Variants in GNA12 observed in about 807,000 individuals in gnomAD.
GNA12 encodes the protein guanine nucleotide-binding protein subunit alpha-12.
Under a neutral mutation model 26.0 loss-of-function variants are expected in GNA12, and 9 were observed. That is an observed-to-expected ratio of 0.35 (90% confidence interval 0.21 to 0.60). The LOEUF (loss-of-function observed/expected upper bound fraction) is 0.60. Ranked by LOEUF, GNA12 falls within the 20% of genes least tolerant of loss-of-function variation. GNA12 has a pLI of 0.78. For missense variants in GNA12, 405 were observed against 525.8 expected (o/e 0.77, Z 2.25); for synonymous variants, 264 against 219.6 (o/e 1.20, Z -1.79).
rs1181026071 is a variant in GNA12 at position 2,728,466 on chromosome 7, C to T, written c.*2715G>A. 6.6e-6 allele frequency: 1 copy of T among 152,188 alleles called. No individual in the cohort carries two copies. Among genetic ancestry groups the T allele is most frequent in the Admixed American group, 6.6e-5 (1 of 15,260 alleles). 9.4% of individuals were successfully genotyped at this position (152,188 alleles called of 1,614,324 possible). ...GACCTATGACTCAAAATCCTTGAAA[C>T]AATTTCTCTACGAACATAAGAGTTA... On this transcript the variant is annotated 3_prime_UTR_variant, in exon 4 of 4. Transcript: ENST00000275364.
intron 2 of GNA12, among the ~76,000 whole-genome samples, chr7:2,753,607 G>T (rs1023609106): frequency 5.9e-5 from 9 of 152,126 alleles, no homozygotes; most frequent in African/African-American, 2.2e-4. Context: ...CATTTTGGTT[G>T]TTTCTGTATT....
At chr7:2,768,472 G>T (rs1420432380) in intron 2 of GNA12, among the ~76,000 whole-genome samples, 1 of 152,094 alleles carries the variant, frequency 6.6e-6, no homozygotes, top group East Asian at 1.9e-4. Flanking sequence ...TTCGAGGACT[G>T]CGTGAAATGA....
chr7:2,785,758 CAG>C (rs1792343081), intron 2 of GNA12, among the ~76,000 whole-genome samples: 9 of 152,056 alleles, frequency 5.9e-5, no homozygotes. Flanking sequence ...GAATACTACT[CAG>C]AAATAAAAAG....
intron 1 of GNA12, among the ~76,000 whole-genome samples, chr7:2,810,129 T>C (rs114526185): frequency 0.014 from 2,185 of 152,312 alleles, 57 homozygotes; most frequent in African/African-American, 0.05. Context: ...TGGGCTGCTA[T>C]AACAAAACCT....
Position 2,763,191 on chromosome 7 carries a change from A to AACACACACACACAC in GNA12, c.526-29704_526-29691dup, listed in dbSNP as rs56384682. The AACACACACACACAC allele has an allele frequency of 7.3e-3, 1,621 of 222,664 alleles. 35 individuals are homozygous for AACACACACACACAC. Among genetic ancestry groups the AACACACACACACAC allele is most frequent in the African/African-American group, 0.012 (427 of 37,024 alleles). 13.8% of individuals were successfully genotyped at this position (222,664 alleles called of 1,614,324 possible). The stretch of plus-strand genomic sequence containing the variant: ...TTAGCAGGACTTCACAAGACACCCC[A>AACACACACACACAC]ACACACACACACACACACACACACA... On this transcript the variant is annotated intron_variant, in intron 2 of 3. Coordinates refer to ENST00000275364, the MANE Select transcript of GNA12 (RefSeq NM_007353.3).
At chr7:2,774,100 C>T (rs966472784) in intron 2 of GNA12, among the ~76,000 whole-genome samples, 3 of 152,160 alleles carry the variant, frequency 2.0e-5, no homozygotes, top group South Asian at 4.2e-4. Flanking sequence ...GAACTGGTTA[C>T]TTCTGGAGAG....
In GNA12 at chr7:2,825,107, C is replaced by T. The variant is rs371399152; in HGVS notation, c.309+18746G>A. 3.1e-4 allele frequency among the ~76,000 whole-genome samples: 47 copies of T among 152,328 alleles called. 1 individual carries two copies. In the South Asian group the frequency reaches 9.7e-3, roughly 32 times the overall value. On this transcript the variant is annotated intron_variant, in intron 1 of 3. Transcript: ENST00000275364. ...CAGACTGCCACCAAAAGACAGGTTA[C>T]AACAATTTACATCCTAAATCCAGGC... is the stretch of plus-strand genomic sequence containing the variant.
At chr7:2,780,048 G>GTGTATATATATATATATATATATATA (rs748113158) in intron 2 of GNA12, among the ~76,000 whole-genome samples, 10 of 84,726 alleles carry the variant, frequency 1.2e-4, no homozygotes, top group Admixed American at 4.7e-4. Flanking sequence ...ACATTTCTGT[G>GTGTATATATATATATATATATATATA]TACATATATA....
intron 1 of GNA12, among the ~76,000 whole-genome samples, chr7:2,837,799 A>G (rs553402180): frequency 1.3e-5 from 2 of 152,296 alleles, no homozygotes; most frequent in South Asian, 4.1e-4. Flanking sequence ...ACAACAGAAG[A>G]AGGCTTAGAG....
chr7:2,742,233 A>G (rs1488622052), intron 2 of GNA12, among the ~76,000 whole-genome samples: 1 of 151,976 alleles, frequency 6.6e-6, no homozygotes, highest in Non-Finnish European at 1.5e-5. Context: ...CATTTTGGCC[A>G]GGCTGGTCTT....
chr7:2,735,305 C>G (rs956284948), intron 2 of GNA12, among the ~76,000 whole-genome samples: 1 of 152,160 alleles, frequency 6.6e-6, no homozygotes, highest in East Asian at 1.9e-4. Flanking sequence ...CCAAGCCACC[C>G]TTGCCCGTTT....
chr7:2,763,191 A>ACAC (rs1791652924), intron 2 of GNA12: 9 of 222,642 alleles, frequency 4.0e-5, no homozygotes, highest in East Asian at 1.5e-4. Context: ...AAGACACCCC[A>ACAC]ACACACACAC....
In GNA12 at chr7:2,790,527, A is replaced by T. The variant is rs567823090; in HGVS notation, c.525+4401T>A. Among the ~76,000 whole-genome samples the T allele has an allele frequency of 3.9e-5, 6 of 152,380 alleles. No homozygotes were observed. The South Asian group carries it at 1.2e-3, about 32-fold the overall frequency. ...CTTCAGCACAGGGCCTGGCACACAGAAAGGACTCACTGAAAGAATACCCTT... is the reference window on the plus strand; with the variant it reads ...CTTCAGCACAGGGCCTGGCACACAGTAAGGACTCACTGAAAGAATACCCTT... On this transcript the variant is annotated intron_variant, in intron 2 of 3. Coordinates refer to ENST00000275364, the MANE Select transcript of GNA12 (RefSeq NM_007353.3).
intron 2 of GNA12, among the ~76,000 whole-genome samples, chr7:2,744,019 G>A (rs948096653): frequency 1.3e-4 from 20 of 152,214 alleles, no homozygotes; most frequent in African/African-American, 4.1e-4. Context: ...CAAAGCAGCC[G>A]GGAAGCTCAA....
intron 2 of GNA12, among the ~76,000 whole-genome samples, chr7:2,736,947 G>C (rs994360179): frequency 6.6e-6 from 1 of 152,228 alleles, no homozygotes; most frequent in African/African-American, 2.4e-5. Flanking sequence ...CTCGAGATCA[G>C]TACATGAGGG....
chr7:2,829,818 C>A (rs576127376), intron 1 of GNA12, among the ~76,000 whole-genome samples: 1 of 152,302 alleles, frequency 6.6e-6, no homozygotes, highest in South Asian at 2.1e-4. Flanking sequence ...GTGCTCGAGG[C>A]CAGTTTTTCC....
rs1789818497 is a variant in GNA12, at chr7:2,730,243, C to T, written c.*938G>A. The T allele has an allele frequency of 6.6e-6, 1 of 152,424 alleles. No individual in the cohort carries two copies. Among genetic ancestry groups the T allele is most frequent in the Admixed American group, 6.5e-5 (1 of 15,284 alleles). The allele number at this position is 152,424 out of a possible 1,614,324, so 9.4% of individuals were successfully genotyped here. A position where few individuals can be genotyped will look rare whatever the true frequency, so the allele number is the denominator to read the frequency against. On this transcript the variant is annotated 3_prime_UTR_variant, in exon 4 of 4. Transcript: ENST00000275364. ...TGAAAGAAGGAAACGCTATGTGCTG[C>T]CAACTGTGTGTGAGCAGATGACTTG... is the stretch of plus-strand genomic sequence containing the variant.
At chr7:2,747,472 C>A (rs1583229473) in intron 2 of GNA12, among the ~76,000 whole-genome samples, 1 of 152,176 alleles carries the variant, frequency 6.6e-6, no homozygotes. Context: ...AATTCAACAA[C>A]CTTCATGCTA....
intron 2 of GNA12, among the ~76,000 whole-genome samples, chr7:2,743,171 C>T (rs1175507103): frequency 1.3e-5 from 2 of 152,118 alleles, no homozygotes; most frequent in African/African-American, 4.8e-5. Context: ...CCTGGCTGGC[C>T]CCTGAACCGT....
Sources: gnomAD v4.1 joint callset for allele counts (sites outside exome capture counted in the v4.1 genomes callset) on GRCh38, gnomAD v4.1.1 for gene constraint, MANE v1.5 for transcripts, NCBI Gene and HGNC (gene_info 2026-07-23, HGNC 2026-07-21) for gene names.